The following BAAT variants were observed in gnomAD, a reference collection of about 807,000 sequenced individuals.
The protein encoded by BAAT is bile acid-CoA:amino acid N-acyltransferase, also known as bile acid CoA: amino acid N-acyltransferase (glycine N-choloyltransferase).
In BAAT, 13 loss-of-function variants were observed where a neutral mutation model predicts 18.9. The ratio of observed to expected loss-of-function variants is 0.69; its 90% CI spans 0.45 to 1.10. BAAT has a LOEUF of 1.10. BAAT is among the 50% of genes least tolerant of loss of function. The pLI, the probability that BAAT is intolerant of heterozygous loss-of-function variation, is 0.00. For synonymous variants in BAAT, 170 were observed against 190.7 expected (o/e 0.89, Z 0.89); for missense variants, 489 against 504.0 (o/e 0.97, Z 0.28).
intron 1 of BAAT, among the ~76,000 whole-genome samples, chr9:101,380,097 A>C (rs577129845): frequency 6.6e-5 from 10 of 152,300 alleles, no homozygotes; most frequent in African/African-American, 2.2e-4. Context: ...GTGAGATTCT[A>C]AAAGCCCAAT....
intron 1 of BAAT, among the ~76,000 whole-genome samples, chr9:101,377,359 G>C (rs1170117104): frequency 6.6e-6 from 1 of 152,086 alleles, no homozygotes; most frequent in Non-Finnish European, 1.5e-5. Context: ...ATTTCCTGGG[G>C]CAATGTGGAG....
chr9:101,360,630 T>C lies in BAAT; in HGVS notation c.*1798A>G, dbSNP rs1829703318. ...TGCCACACACTTTTAAACAGTCATA[T>C]CTCTTGAGAACTCACTCACTATCAT... On this transcript the variant is annotated 3_prime_UTR_variant, in exon 4 of 4. Coordinates refer to ENST00000259407, the MANE Select transcript of BAAT (RefSeq NM_001701.4). 6.6e-6 allele frequency: 1 copy of C among 151,652 alleles called. No individual in the cohort carries two copies. Among genetic ancestry groups the C allele is most frequent in the African/African-American group, 2.4e-5 (1 of 41,198 alleles). 9.4% of individuals were successfully genotyped at this position (151,652 alleles called of 1,614,324 possible). A position where few individuals can be genotyped will look rare whatever the true frequency, so the allele number is the denominator to read the frequency against.
At chr9:101,366,854 T>G (rs1048499967) in intron 3 of BAAT, among the ~76,000 whole-genome samples, 2 of 151,130 alleles carry the variant, frequency 1.3e-5, no homozygotes, top group Non-Finnish European at 2.9e-5. Context: ...ATTTCAATTC[T>G]TATTAAAAAA....
intron 1 of BAAT, among the ~76,000 whole-genome samples, chr9:101,374,681 T>C (rs1830009482): frequency 6.6e-6 from 1 of 152,124 alleles, no homozygotes; most frequent in African/African-American, 2.4e-5. Flanking sequence ...ACCACTATCA[T>C]AAAAATAATC....
At chr9:101,366,274 T>G (rs1361203354) in intron 3 of BAAT, among the ~76,000 whole-genome samples, 1 of 152,226 alleles carries the variant, frequency 6.6e-6, no homozygotes, top group African/African-American at 2.4e-5. Flanking sequence ...GACTCATATC[T>G]GTGCAGGCTT....
chr9:101,377,524 T>C (rs1830066956), intron 1 of BAAT, among the ~76,000 whole-genome samples: 1 of 152,132 alleles, frequency 6.6e-6, no homozygotes, highest in Non-Finnish European at 1.5e-5. Context: ...TAAGGATTGA[T>C]AGGATTATAA....
rs779384536 is a variant in BAAT, at chr9:101,370,948, G to A, written c.457C>T (p.Leu153Phe). Residue 153 changes from leucine to phenylalanine, a missense_variant, in exon 2 of 4, where the codon CTC (leucine) becomes TTC (phenylalanine). By Grantham distance (22) the Leu-to-Phe change is conservative. Coordinates refer to ENST00000259407, the MANE Select transcript of BAAT (RefSeq NM_001701.4). ...GAGTAATTCTACTCACCTGGAGGGA[G>A]AAAGAGAGCTCCTCGAAGGCGGCCT... ...REGRLRGALFLPPGEGLFPGV... is the reference protein window; with the variant it reads ...REGRLRGALFFPPGEGLFPGV... 11 of 1,613,960 alleles carry A rather than the reference G, an allele frequency of 6.8e-6. No individual in the cohort carries two copies. The African/African-American group carries it at 1.3e-4, about 20-fold the overall frequency.
chr9:101,370,320 CTTTTT>C (rs749077224), intron 2 of BAAT, among the ~76,000 whole-genome samples: 38 of 103,670 alleles, frequency 3.7e-4, no homozygotes, highest in Non-Finnish European at 5.1e-4. Context: ...ATGCATTATC[CTTTTT>C]TTTTTTTTTT....
chr9:101,366,521 C>G (rs1055040903), intron 3 of BAAT, among the ~76,000 whole-genome samples: 1 of 152,036 alleles, frequency 6.6e-6, no homozygotes, highest in African/African-American at 2.4e-5. Flanking sequence ...CTGGATTAAT[C>G]ATTAACTAGC....
intron 1 of BAAT, chr9:101,375,206 CAT>C (rs1308020752): frequency 6.6e-6 from 1 of 152,600 alleles, no homozygotes; most frequent in African/African-American, 2.4e-5. Flanking sequence ...CCATGTAAGA[CAT>C]GACTTTGCTT....
intron 3 of BAAT, among the ~76,000 whole-genome samples, chr9:101,364,991 G>T (rs57802761): frequency 0.15 from 23,499 of 152,166 alleles, 1,993 homozygotes; most frequent in African/African-American, 0.2. Flanking sequence ...GATAAAAGCA[G>T]AAAATTATAC....
In BAAT at chr9:101,368,162, T is replaced by G; in HGVS notation, c.627A>C (p.Glu209Asp). ...GAAAGTTGGCAGCCTCCTCAAAATATTCCAAATCTGTTACTTCTGGTTTGC... is the reference window on the plus strand; with the variant it reads ...GAAAGTTGGCAGCCTCCTCAAAATAGTCCAAATCTGTTACTTCTGGTTTGC... ...LPRKPEVTDL[E>D]YFEEAANFLL... is the part of the protein sequence containing the mutation. The change falls in exon 3 of 4, where the codon GAA (glutamate) becomes GAC (aspartate). Residue 209 changes from glutamate (E) to aspartate (D), a missense_variant. Transcript: ENST00000259407. 1.2e-6 allele frequency: 2 copies of G among 1,614,164 alleles called. No homozygotes were observed. Among genetic ancestry groups the G allele is most frequent in the Non-Finnish European group, 1.7e-6 (2 of 1,180,012 alleles).
intron 2 of BAAT, among the ~76,000 whole-genome samples, chr9:101,368,889 AT>A (rs1285263528): frequency 4.6e-5 from 7 of 152,188 alleles, no homozygotes; most frequent in African/African-American, 1.7e-4. Flanking sequence ...ATTCAAAAAC[AT>A]TTTTTAAATG....
At chr9:101,382,542 C>A (rs1168867218) in intron 1 of BAAT, among the ~76,000 whole-genome samples, 2 of 152,168 alleles carry the variant, frequency 1.3e-5, no homozygotes, top group Non-Finnish European at 2.9e-5. Flanking sequence ...AGGCACTTGA[C>A]CTCCAAGATG....
chr9:101,367,539 C>A (rs1363186963), intron 3 of BAAT, among the ~76,000 whole-genome samples: 1 of 149,822 alleles, frequency 6.7e-6, no homozygotes, highest in African/African-American at 2.5e-5. Context: ...GGCTGGAGTA[C>A]AGTGGCAGGA....
At chr9:101,376,815 ATAAATAGATC>A (rs1264409681) in intron 1 of BAAT, among the ~76,000 whole-genome samples, 58 of 152,380 alleles carry the variant, frequency 3.8e-4, no homozygotes, top group African/African-American at 1.4e-3. Context: ...ATAGATACAA[ATAAATAGATC>A]TAAAAGTTAG....
intron 1 of BAAT, chr9:101,383,519 C>CA (rs759531886): frequency 6.6e-6 from 1 of 152,164 alleles, no homozygotes; most frequent in Non-Finnish European, 1.5e-5. Context: ...GGGAAAATGA[C>CA]AGACACCCTA....
At chr9:101,371,633 T>C (rs1829947255) in intron 1 of BAAT, among the ~76,000 whole-genome samples, 170 bp from the exon 2 acceptor site, 1 of 152,148 alleles carries the variant, frequency 6.6e-6, no homozygotes, top group African/African-American at 2.4e-5. Context: ...TTTCAATGAA[T>C]TTCCAGAAGA....
At chr9:101,374,840 TA>T (rs574393482) in intron 1 of BAAT, among the ~76,000 whole-genome samples, 236 of 146,892 alleles carry the variant, frequency 1.6e-3, no homozygotes, top group African/African-American at 4.6e-3. Context: ...CTGCTTTATT[TA>T]AAAAAAAAAA....
Sources: allele counts gnomAD v4.1 joint callset (sites outside exome capture counted in the v4.1 genomes callset), GRCh38; gene constraint gnomAD v4.1.1; transcripts MANE v1.5; gene names NCBI Gene and HGNC (gene_info 2026-07-23, HGNC 2026-07-21).